The following KIF26B variants were observed in gnomAD, a reference collection of about 807,000 sequenced individuals.
KIF26B encodes the protein kinesin family member 26B.
Under a neutral mutation model 151.2 loss-of-function variants are expected in KIF26B, and 63 were observed. The ratio of observed to expected loss-of-function variants is 0.42; its 90% CI spans 0.34 to 0.51. The LOEUF (loss-of-function observed/expected upper bound fraction) is 0.51. Ranked by LOEUF, KIF26B falls within the 20% of genes least tolerant of loss-of-function variation. KIF26B has a pLI of 0.07. For missense variants in KIF26B, 2,813 were observed against 2,913.6 expected (o/e 0.97, Z 0.79); for synonymous variants, 1,357 against 1,262.1 (o/e 1.08, Z -1.59).
intron 4 of KIF26B, among the ~76,000 whole-genome samples, chr1:245,452,583 A>G (rs1478870572): frequency 6.6e-6 from 1 of 152,088 alleles, no homozygotes; most frequent in Non-Finnish European, 1.5e-5. Context: ...GTTTCTTCAC[A>G]TTCTCGACAG....
chr1:245,364,899 A>C (rs1302461870), intron 2 of KIF26B, among the ~76,000 whole-genome samples: 1 of 152,234 alleles, frequency 6.6e-6, no homozygotes, highest in Non-Finnish European at 1.5e-5. Context: ...CTTTGCATAT[A>C]CTGGGGCCCA....
intron 12 of KIF26B, among the ~76,000 whole-genome samples, chr1:245,696,088 C>T (rs1410228917): frequency 6.6e-6 from 1 of 152,268 alleles, no homozygotes; most frequent in Non-Finnish European, 1.5e-5. Context: ...CCCATGGTCT[C>T]TGCCTCCTGG....
chr1:245,493,044 G>A (rs1324056792), intron 4 of KIF26B, among the ~76,000 whole-genome samples: 1 of 152,180 alleles, frequency 6.6e-6, no homozygotes, highest in African/African-American at 2.4e-5. Context: ...TTCCCAAAGT[G>A]CTGGGATTAC....
chr1:245,384,964 G>C (rs7524809), intron 3 of KIF26B, among the ~76,000 whole-genome samples: 7,876 of 151,922 alleles, frequency 0.052, 691 homozygotes, highest in African/African-American at 0.18. Context: ...TCTTCTTTTT[G>C]CTATTAAATT....
chr1:245,485,754 C>T lies in KIF26B; in HGVS notation c.1167-55013C>T, dbSNP rs377729286. 7.2e-5 allele frequency among the ~76,000 whole-genome samples: 11 copies of T among 152,302 alleles called. No individual in the cohort carries two copies. The East Asian group carries it at 1.2e-3, about 16-fold the overall frequency. ...AACTCTTCTGCTTCTTATAAACTGGCGATGCTGTGTAGCCGTTTTCTGTGA... is the reference window on the plus strand; with the variant it reads ...AACTCTTCTGCTTCTTATAAACTGGTGATGCTGTGTAGCCGTTTTCTGTGA... On this transcript the variant is annotated intron_variant, in intron 4 of 14. Transcript: ENST00000407071.
rs577379799 is a variant in KIF26B, at chr1:245,659,337, C to T, written c.2258+13057C>T. Reference sequence around the variant, plus strand: ...GATCTAAACCTTGCATCTTTAGTGACAGATATGAGTCTGACACCCACCTTC... The same window carrying T: ...GATCTAAACCTTGCATCTTTAGTGATAGATATGAGTCTGACACCCACCTTC... On this transcript the variant is annotated intron_variant, in intron 10 of 14. Coordinates refer to ENST00000407071, the MANE Select transcript of KIF26B (RefSeq NM_018012.4). 3.3e-5 allele frequency among the ~76,000 whole-genome samples: 5 copies of T among 152,320 alleles called. No homozygotes were observed. In the Middle Eastern group the frequency reaches 0.01, roughly 311 times the overall value.
intron 2 of KIF26B, among the ~76,000 whole-genome samples, chr1:245,188,832 G>A (rs1182548106): frequency 6.6e-6 from 1 of 152,192 alleles, no homozygotes; most frequent in Admixed American, 6.5e-5. Context: ...ATGGATGGAT[G>A]AGCAAAATGT....
Position 245,318,629 on chromosome 1 carries a change from A to T in KIF26B, c.466-48205A>T, listed in dbSNP as rs73130837. On this transcript the variant is annotated intron_variant, in intron 2 of 14. Transcript: ENST00000407071. The surrounding 1 kb of genome is among the most constrained non-coding windows in gnomAD (Gnocchi z 4.0). ...TGCGACTCCCTAAGTTCATAGGGAAAGCAGCAAGGATGAGTTCGGGAGACT... is the reference window on the plus strand; with the variant it reads ...TGCGACTCCCTAAGTTCATAGGGAATGCAGCAAGGATGAGTTCGGGAGACT... 0.02 allele frequency among the ~76,000 whole-genome samples: 3,044 copies of T among 152,240 alleles called. 109 individuals are homozygous for T. Among genetic ancestry groups the T allele is most frequent in the African/African-American group, 0.069 (2,869 of 41,528 alleles).
At chr1:245,205,477 T>C (rs1362777988) in intron 2 of KIF26B, among the ~76,000 whole-genome samples, 2 of 152,160 alleles carry the variant, frequency 1.3e-5, no homozygotes, top group African/African-American at 4.8e-5. Context: ...ATAATAATAA[T>C]ATGCTCAACC....
At chr1:245,363,692 T>G (rs1298865454) in intron 2 of KIF26B, among the ~76,000 whole-genome samples, 1 of 152,210 alleles carries the variant, frequency 6.6e-6, no homozygotes, top group Non-Finnish European at 1.5e-5. Flanking sequence ...ACAAAGGGTT[T>G]TAGATCAAGG....
intron 2 of KIF26B, among the ~76,000 whole-genome samples, chr1:245,296,531 G>A (rs940605064): frequency 1.3e-5 from 2 of 152,190 alleles, no homozygotes; most frequent in Non-Finnish European, 2.9e-5. Context: ...ACCAAGGTCA[G>A]TCCTGGGTGG....
At chr1:245,651,622 G>C (rs1173557769) in intron 10 of KIF26B, among the ~76,000 whole-genome samples, 1 of 152,206 alleles carries the variant, frequency 6.6e-6, no homozygotes, top group Non-Finnish European at 1.5e-5. Flanking sequence ...CAGGTCCCTG[G>C]CTTGTTGGGA....
intron 4 of KIF26B, among the ~76,000 whole-genome samples, chr1:245,464,685 A>G (rs1176059354): frequency 6.6e-6 from 1 of 150,618 alleles, no homozygotes; most frequent in Non-Finnish European, 1.5e-5. Flanking sequence ...TGCATGTGTG[A>G]GTATGTGCAT....
Position 245,688,134 on chromosome 1 carries a change from GCCCCCCAGC to G in KIF26B, c.5152_5160del (p.Pro1718_Ser1720del). 4 of 1,587,326 alleles carry G rather than the reference GCCCCCCAGC, an allele frequency of 2.5e-6. No individual in the cohort carries two copies. Among genetic ancestry groups the G allele is most frequent in the Non-Finnish European group, 3.4e-6 (4 of 1,172,846 alleles). On this transcript the variant is annotated inframe_deletion, in exon 12 of 15. Transcript: ENST00000407071. Reference sequence around the variant, plus strand: ...GCCTGGGCCGCAGCGCCGGGACCTCGCCCCCCAGCTCCGGGGCCTCGCCCAAGGCCGGCC... The same window carrying G: ...GCCTGGGCCGCAGCGCCGGGACCTCGTCCGGGGCCTCGCCCAAGGCCGGCC...
At chr1:245,567,983 G>A (rs1338773149) in intron 5 of KIF26B, among the ~76,000 whole-genome samples, 1 of 151,748 alleles carries the variant, frequency 6.6e-6, no homozygotes, top group Non-Finnish European at 1.5e-5. Context: ...CTGGAGTTCA[G>A]GACCAGCCTG....
In KIF26B at chr1:245,606,834, G is replaced by A. The variant is rs2043460092; in HGVS notation, c.1558-817G>A. On this transcript the variant is annotated intron_variant, in intron 6 of 14. Coordinates refer to ENST00000407071, the MANE Select transcript of KIF26B (RefSeq NM_018012.4). This position sits in a 1 kb window ranked among gnomAD's most constrained non-coding sequence, Gnocchi z 4.6. ...TCCCAGCACTTTGGGAGGCCGAGGC[G>A]GGTGGATCACCTGAGGTCAGGAGTT... Among the ~76,000 whole-genome samples, 1 of 152,126 alleles carries A rather than the reference G, an allele frequency of 6.6e-6. No individual in the cohort carries two copies. The highest frequency in any genetic ancestry group is 3.4e-3 in the Middle Eastern group (1 of 294).
chr1:245,479,494 T>C (rs1159318699), intron 4 of KIF26B, among the ~76,000 whole-genome samples: 5 of 151,954 alleles, frequency 3.3e-5, no homozygotes, highest in African/African-American at 9.6e-5. Flanking sequence ...GTTGTTGTTA[T>C]ATTTTTGTTC....
At chr1:245,657,747 A>G (rs73141766) in intron 10 of KIF26B, among the ~76,000 whole-genome samples, 6,700 of 152,050 alleles carry the variant, frequency 0.044, 495 homozygotes, top group African/African-American at 0.15. Flanking sequence ...CATTCAATCA[A>G]TAGTTACCAA....
At chr1:245,190,639 G>C (rs55943417) in intron 2 of KIF26B, among the ~76,000 whole-genome samples, 1 of 140,118 alleles carries the variant, frequency 7.1e-6, no homozygotes, top group South Asian at 2.2e-4. Flanking sequence ...GTTTTGTTTT[G>C]TTTTTTTTTT....
Sources: allele counts gnomAD v4.1 joint callset (sites outside exome capture counted in the v4.1 genomes callset), GRCh38; gene constraint gnomAD v4.1.1; non-coding constraint Gnocchi (gnomAD v3.1); transcripts MANE v1.5; gene names NCBI Gene and HGNC (gene_info 2026-07-23, HGNC 2026-07-21).